Variants in DOCK3 observed in about 807,000 individuals in gnomAD.
DOCK3 encodes the protein dedicator of cytokinesis protein 3.
A neutral mutation model predicts 265.6 loss-of-function variants in DOCK3; 60 were observed. The ratio of observed to expected loss-of-function variants is 0.23; its 90% confidence interval spans 0.18 to 0.28. DOCK3 has a LOEUF of 0.28. DOCK3 is among the 10% of genes least tolerant of loss of function. The probability of loss-of-function intolerance (pLI) is 1.00; values close to 1 mark genes in which losing one functional copy is unlikely to be tolerated. For synonymous variants in DOCK3, 881 were observed against 938.0 expected, an observed-to-expected ratio of 0.94 and a Z score of 1.11; for missense variants, 1,981 against 2,594.3, an observed-to-expected ratio of 0.76 and a Z score of 5.14.
At chr3:51,190,023 A>C (rs2087849921) in intron 12 of DOCK3, among the ~76,000 whole-genome samples, 1 of 152,158 alleles carries the variant, frequency 6.6e-6, no homozygotes, top group Non-Finnish European at 1.5e-5. Flanking sequence ...ACAAGCGCAA[A>C]GGCTTTCTGA....
intron 2 of DOCK3, chr3:50,787,759 T>TTC: frequency 8.6e-7 from 1 of 1,159,964 alleles, no homozygotes; most frequent in Non-Finnish European, 1.3e-6. Flanking sequence ...CTTCTCCTTT[T>TTC]TCTTCTGCTT....
At chr3:50,706,899 G>A (rs1168960139) in intron 1 of DOCK3, among the ~76,000 whole-genome samples, 2 of 152,078 alleles carry the variant, frequency 1.3e-5, no homozygotes, top group Non-Finnish European at 2.9e-5. Context: ...TGGAGGTAGG[G>A]CCTGATAGGA....
At chr3:50,981,170 C>G (rs2077675090) in intron 5 of DOCK3, among the ~76,000 whole-genome samples, 1 of 152,114 alleles carries the variant, frequency 6.6e-6, no homozygotes, top group South Asian at 2.1e-4. Context: ...TCATTTGTTT[C>G]AAGAAAGTTT....
chr3:50,994,566 G>T (rs545843325), intron 5 of DOCK3, among the ~76,000 whole-genome samples: 1 of 152,292 alleles, frequency 6.6e-6, no homozygotes, highest in African/African-American at 2.4e-5. Context: ...AGATTTTGAA[G>T]AACAAGTATG....
intron 1 of DOCK3, among the ~76,000 whole-genome samples, chr3:50,708,047 G>A (rs1032787576): frequency 4.6e-5 from 7 of 152,004 alleles, no homozygotes; most frequent in Non-Finnish European, 7.4e-5. Context: ...CAGAGTGGCC[G>A]ATCCACACAC....
At chr3:51,269,011 G>C (rs902768278) in intron 23 of DOCK3, among the ~76,000 whole-genome samples, 1 of 151,558 alleles carries the variant, frequency 6.6e-6, no homozygotes, top group Non-Finnish European at 1.5e-5. Context: ...AAGATAAATA[G>C]CTTAGATCTG....
chr3:51,055,535 G>A (rs1437625292), intron 5 of DOCK3, among the ~76,000 whole-genome samples: 2 of 152,196 alleles, frequency 1.3e-5, no homozygotes, highest in African/African-American at 4.8e-5. Context: ...TCCCTAAGAA[G>A]AGATGCCTAT....
intron 4 of DOCK3, among the ~76,000 whole-genome samples, chr3:50,894,277 C>T (rs1339808117): frequency 1.3e-5 from 2 of 151,872 alleles, no homozygotes; most frequent in Admixed American, 6.6e-5. Context: ...CAGATTTCTC[C>T]GCCAAAACCT....
rs142157890 is a variant in DOCK3 at position 51,378,910 on chromosome 3, C to T, written c.5501-1215C>T. On this transcript the variant is annotated intron_variant, in intron 51 of 52. Coordinates refer to ENST00000266037, the MANE Select transcript of DOCK3 (RefSeq NM_004947.5). Reference sequence around the variant, plus strand: ...CTAGGAACTGGGGTTCTGTAGACGCCAAAGGGTACTCATCGGCTCCACAGC... The same window carrying T: ...CTAGGAACTGGGGTTCTGTAGACGCTAAAGGGTACTCATCGGCTCCACAGC... Among the ~76,000 whole-genome samples, 527 of 152,302 alleles carry T rather than the reference C, an allele frequency of 3.5e-3. 3 individuals carry two copies. Among genetic ancestry groups the T allele is most frequent in the African/African-American group, 0.012 (493 of 41,550 alleles).
At chr3:51,200,407 G>A (rs558128770) in intron 12 of DOCK3, among the ~76,000 whole-genome samples, 65 of 132,782 alleles carry the variant, frequency 4.9e-4, no homozygotes, top group African/African-American at 1.6e-3. Flanking sequence ...GAGCCGATGC[G>A]ATCAACTGGA....
chr3:51,172,843 G>A (rs2086751159), intron 12 of DOCK3, among the ~76,000 whole-genome samples: 1 of 151,956 alleles, frequency 6.6e-6, no homozygotes. Context: ...CTACTATGAG[G>A]TTACATAAAA....
At chr3:51,355,426 T>C (rs2086297945) in intron 41 of DOCK3, among the ~76,000 whole-genome samples, 1 of 152,178 alleles carries the variant, frequency 6.6e-6, no homozygotes, top group Non-Finnish European at 1.5e-5. Context: ...TCCACTCCCA[T>C]GTGTACTATT....
rs148834026 is a variant in DOCK3 at position 51,339,806 on chromosome 3, C to T, written c.3766+778C>T. Among the ~76,000 whole-genome samples the T allele has an allele frequency of 4.1e-3, 621 of 152,222 alleles. 4 individuals carry two copies. Among genetic ancestry groups the T allele is most frequent in the African/African-American group, 0.014 (594 of 41,544 alleles). ...CAGCCATTATGTCTTAGCTCTTAGG[C>T]GATAGGACTTGAATTTGTGTGATAG... is the stretch of plus-strand genomic sequence containing the variant. On this transcript the variant is annotated intron_variant, in intron 37 of 52. Transcript: ENST00000266037.
intron 9 of DOCK3, among the ~76,000 whole-genome samples, chr3:51,116,557 A>G (rs540867448): frequency 8.0e-5 from 12 of 150,436 alleles, no homozygotes; most frequent in African/African-American, 2.2e-4. Context: ...TTTGAGTATT[A>G]TGGCCATTTT....
At chr3:50,810,665 A>T (rs1419624360) in intron 2 of DOCK3, among the ~76,000 whole-genome samples, 1 of 152,224 alleles carries the variant, frequency 6.6e-6, no homozygotes, top group Non-Finnish European at 1.5e-5. Context: ...ATAAAAGTAT[A>T]AAACTAAACA....
At chr3:50,862,672 C>G (rs2219433) in intron 3 of DOCK3, among the ~76,000 whole-genome samples, 24,330 of 152,116 alleles carry the variant, frequency 0.16, 2,374 homozygotes, top group African/African-American at 0.26. Context: ...GCTGCAGGCT[C>G]TGGATATGCC....
chr3:50,904,112 A>G (rs1397474492), intron 4 of DOCK3, among the ~76,000 whole-genome samples: 1 of 152,206 alleles, frequency 6.6e-6, no homozygotes, highest in Non-Finnish European at 1.5e-5. Flanking sequence ...TTATGGCTGC[A>G]TAGTATTCCA....
intron 22 of DOCK3, among the ~76,000 whole-genome samples, chr3:51,251,864 A>C (rs1337231054): frequency 1.3e-5 from 2 of 152,124 alleles, no homozygotes; most frequent in African/African-American, 4.8e-5. Context: ...TCTTCAGTTT[A>C]ATTAGATCCC....
At chr3:51,076,051 A>T (rs951137055) in intron 7 of DOCK3, among the ~76,000 whole-genome samples, 4 of 152,186 alleles carry the variant, frequency 2.6e-5, no homozygotes, top group Non-Finnish European at 4.4e-5. Context: ...GTATTTGATG[A>T]GTATATATTG....
Sources: allele counts gnomAD v4.1 joint callset (sites outside exome capture counted in the v4.1 genomes callset), GRCh38; gene constraint gnomAD v4.1.1; transcripts MANE v1.5; gene names NCBI Gene and HGNC (gene_info 2026-07-23, HGNC 2026-07-21).